The following SIK3 variants were observed in gnomAD, a reference collection of about 807,000 sequenced individuals.
The protein encoded by SIK3 is serine/threonine-protein kinase SIK3.
In SIK3, 28 loss-of-function variants were observed where a neutral mutation model predicts 144.2. The observed-to-expected ratio is 0.19, with a 90% confidence interval of 0.14 to 0.27. The LOEUF is 0.27. Ranked by LOEUF, SIK3 falls within the 10% of genes least tolerant of loss-of-function variation. SIK3 has a pLI of 1.00. For synonymous variants in SIK3, 686 were observed against 676.3 expected, an observed-to-expected ratio of 1.01 and a Z score of -0.22; for missense variants, 1,319 against 1,776.0, an observed-to-expected ratio of 0.74 and a Z score of 4.62.
At chr11:116,931,940 G>T (rs111684846) in intron 3 of SIK3, among the ~76,000 whole-genome samples, 2,197 of 152,286 alleles carry the variant, frequency 0.014, 42 homozygotes, top group African/African-American at 0.048. Context: ...TTCTTGCCAA[G>T]AATCCAACTA....
chr11:117,040,934 C>G (rs1337819254), intron 1 of SIK3, among the ~76,000 whole-genome samples: 3 of 146,500 alleles, frequency 2.0e-5, no homozygotes, highest in African/African-American at 7.6e-5. Context: ...CATCACCTCA[C>G]AGTTACCTGC....
intron 3 of SIK3, among the ~76,000 whole-genome samples, chr11:116,938,595 G>C (rs1178932719): frequency 4.5e-5 from 3 of 66,426 alleles, no homozygotes; most frequent in Non-Finnish European, 2.8e-5. Context: ...GGAGAGGAGA[G>C]GGGAGGAGAG....
At chr11:116,963,671 CTG>C (rs1210150835) in intron 1 of SIK3, among the ~76,000 whole-genome samples, 1 of 152,148 alleles carries the variant, frequency 6.6e-6, no homozygotes, top group African/African-American at 2.4e-5. Context: ...TAAAGCATCA[CTG>C]TATGTAATGA....
chr11:116,885,127 A>C (rs1461144959), intron 6 of SIK3, among the ~76,000 whole-genome samples: 1 of 152,228 alleles, frequency 6.6e-6, no homozygotes, highest in Non-Finnish European at 1.5e-5. Flanking sequence ...AATAGAAATA[A>C]AGTTCTTTAT....
chr11:116,990,190 C>A (rs1950453951), intron 1 of SIK3, among the ~76,000 whole-genome samples: 2 of 152,176 alleles, frequency 1.3e-5, no homozygotes, highest in Non-Finnish European at 2.9e-5. Flanking sequence ...CTTACCAATA[C>A]CAATCACTGT....
intron 1 of SIK3, among the ~76,000 whole-genome samples, chr11:117,018,003 A>C (rs1168061448): frequency 6.6e-6 from 1 of 152,182 alleles, no homozygotes; most frequent in Admixed American, 6.5e-5. Context: ...CCTGCTTTTC[A>C]TTTAGGATTT....
intron 1 of SIK3, among the ~76,000 whole-genome samples, chr11:117,083,555 A>G (rs1311117238): frequency 1.3e-5 from 2 of 152,212 alleles, no homozygotes; most frequent in Non-Finnish European, 2.9e-5. Context: ...TACAATCACT[A>G]AAAACATTAT....
At chr11:117,065,540 C>CA (rs2135974300) in intron 1 of SIK3, among the ~76,000 whole-genome samples, 2 of 152,016 alleles carry the variant, frequency 1.3e-5, no homozygotes, top group African/African-American at 4.8e-5. Flanking sequence ...TGACTTAAGA[C>CA]AAAATATTCT....
At chr11:117,036,756 G>GTGGTGGTGTGT (rs1952523565) in intron 1 of SIK3, among the ~76,000 whole-genome samples, 1 of 152,052 alleles carries the variant, frequency 6.6e-6, no homozygotes, top group Admixed American at 6.6e-5. Context: ...TTTCCAATGG[G>GTGGTGGTGTGT]GCAATGAAAA....
intron 16 of SIK3, 86 bp downstream of exon 16, chr11:116,863,582 G>A (rs1233579322): frequency 6.4e-7 from 1 of 1,570,722 alleles, no homozygotes; most frequent in East Asian, 2.3e-5. Flanking sequence ...GACATAAAAG[G>A]GGTACGTTTA....
intron 1 of SIK3, among the ~76,000 whole-genome samples, chr11:116,987,042 T>C (rs1459328325): frequency 6.6e-6 from 1 of 152,172 alleles, no homozygotes; most frequent in African/African-American, 2.4e-5. Flanking sequence ...GGAGATTGAT[T>C]GCACAACTAT....
chr11:116,854,014 A>G (rs901303318), intron 21 of SIK3, among the ~76,000 whole-genome samples: 31 of 152,216 alleles, frequency 2.0e-4, no homozygotes, highest in Admixed American at 1.8e-3. Flanking sequence ...ATCGCCATCA[A>G]GGAAATAGGT....
intron 1 of SIK3, among the ~76,000 whole-genome samples, chr11:117,091,207 T>C (rs1026101573): frequency 5.6e-5 from 8 of 143,724 alleles, no homozygotes; most frequent in East Asian, 2.0e-4. Context: ...TTTCTTTTTT[T>C]TTTTTTTTTT....
At chr11:116,923,107 GT>G (rs1465974019) in intron 4 of SIK3, among the ~76,000 whole-genome samples, 1 of 151,636 alleles carries the variant, frequency 6.6e-6, no homozygotes, top group African/African-American at 2.4e-5. Context: ...GTAGAGACCG[GT>G]TTTCACCACG....
intron 1 of SIK3, among the ~76,000 whole-genome samples, chr11:117,012,422 A>C (rs1951301785): frequency 6.6e-6 from 1 of 152,204 alleles, no homozygotes; most frequent in East Asian, 1.9e-4. Context: ...CATACTTGTA[A>C]CTGTTAACTT....
chr11:117,040,117 T>C (rs866308513), intron 1 of SIK3, among the ~76,000 whole-genome samples: 2 of 152,202 alleles, frequency 1.3e-5, no homozygotes, highest in Admixed American at 6.5e-5. Flanking sequence ...CCTTATGAGC[T>C]TGAGCCACAG....
chr11:116,898,123 C>T (rs555875570), intron 4 of SIK3, among the ~76,000 whole-genome samples: 8 of 151,720 alleles, frequency 5.3e-5, no homozygotes, highest in African/African-American at 7.3e-5. Context: ...ATCCCTCCCC[C>T]GTCCCCCCAC....
chr11:117,079,272 G>A (rs75734988), intron 1 of SIK3, among the ~76,000 whole-genome samples: 1 of 152,312 alleles, frequency 6.6e-6, no homozygotes, highest in African/African-American at 2.4e-5. Context: ...ACACTCAATG[G>A]ATTAGAATTC....
chr11:116,896,255 G>A lies in SIK3; in HGVS notation c.863C>T (p.Thr288Ile). ...GKFRIPFFMS[T>I]ECEHLIRHML... The stretch of plus-strand genomic sequence containing the variant: ...CTGTGTGCTAGCGACTCCCTTACCT[G>A]TGGACATAAAAAATGGGATGCGGAA... The change falls in exon 6 of 25, where the codon ACA becomes ATA. Residue 288 changes from threonine (T) to isoleucine (I), a missense_variant and splice_region_variant. Physicochemically the swap from Thr to Ile is moderately conservative, Grantham distance 89 (BLOSUM62 -1). Transcript: ENST00000445177. 6.2e-7 allele frequency: 1 copy of A among 1,613,530 alleles called. No homozygotes were observed. Among genetic ancestry groups the A allele is most frequent in the Non-Finnish European group, 8.5e-7 (1 of 1,179,612 alleles).
Sources: gnomAD v4.1 joint callset for allele counts (sites outside exome capture counted in the v4.1 genomes callset) on GRCh38, gnomAD v4.1.1 for gene constraint, MANE v1.5 for transcripts, NCBI Gene and HGNC (gene_info 2026-07-23, HGNC 2026-07-21) for gene names.